The following PTCD3 variants were observed in gnomAD, a reference collection of about 807,000 sequenced individuals.
The protein encoded by PTCD3 is pentatricopeptide repeat domain 3.
Under a neutral mutation model 101.9 loss-of-function variants are expected in PTCD3, and 89 were observed. The observed-to-expected ratio is 0.87, with a 90% CI of 0.74 to 1.04. The LOEUF (loss-of-function observed/expected upper bound fraction) is 1.04, where lower values mean the gene tolerates loss of function less well. Ranked by LOEUF, PTCD3 falls within the 50% of genes least tolerant of loss-of-function variation. PTCD3 has a pLI of 0.00. For missense variants in PTCD3, 870 were observed against 828.2 expected (o/e 1.05, Z -0.62); for synonymous variants, 296 against 278.5 (o/e 1.06, Z -0.63).
chr2:86,106,704 G>A (rs1429154171), intron 1 of PTCD3, among the ~76,000 whole-genome samples: 1 of 152,190 alleles, frequency 6.6e-6, no homozygotes, highest in Non-Finnish European at 1.5e-5. Flanking sequence ...ATCAGGAGGA[G>A]CGAGGAGAAC....
At chr2:86,108,288 G>A (rs1051672245) in intron 1 of PTCD3, 62 bp from the exon 2 acceptor site, 2 of 1,551,764 alleles carry the variant, frequency 1.3e-6, no homozygotes, top group Non-Finnish European at 1.7e-6. Flanking sequence ...GTACACATAG[G>A]TGGAGGTGAG....
rs1000824186 is a variant in PTCD3, at chr2:86,136,525, A to G, written c.1783A>G (p.Met595Val). Residue 595 changes from methionine to valine, a missense_variant, in exon 22 of 24, where the codon ATG (methionine) becomes GTG (valine). Coordinates refer to ENST00000254630, the MANE Select transcript of PTCD3 (RefSeq NM_017952.6). ...TCTTTTTCCTTTCTTGAGCAGGAAA[A>G]TGTTGGGGCTTTTCAGGAAGCATAA... ...RAGRTQEAWK[M>V]LGLFRKHNKI... 3.7e-6 allele frequency: 6 copies of G among 1,611,072 alleles called. No individual in the cohort carries two copies. In the South Asian group the frequency reaches 4.4e-5, roughly 12 times the overall value.
chr2:86,117,796 A>G (rs1674201905), intron 6 of PTCD3, among the ~76,000 whole-genome samples: 1 of 148,314 alleles, frequency 6.7e-6, no homozygotes, highest in Non-Finnish European at 1.5e-5. Context: ...TTTTTGTTTG[A>G]GATGGAGTCT....
chr2:86,133,020 C>A, intron 17 of PTCD3, 158 bp from the exon 18 acceptor site: 1 of 1,201,914 alleles, frequency 8.3e-7, no homozygotes, highest in Non-Finnish European at 1.1e-6. Context: ...TCAGCACACA[C>A]TGGCAGCTCT....
In PTCD3 at chr2:86,125,125, C is replaced by G. The variant is rs369269693; in HGVS notation, c.804+43C>G. 2.2e-5 allele frequency: 35 copies of G among 1,604,644 alleles called. No individual in the cohort carries two copies. In the African/African-American group the frequency reaches 3.9e-4, roughly 18 times the overall value. On this transcript the variant is annotated intron_variant, in intron 10 of 23. Coordinates refer to ENST00000254630, the MANE Select transcript of PTCD3 (RefSeq NM_017952.6). ...ATTTTTGTCTTTCATTTCCACCGAT[C>G]AGGGTGTTTCAGCCTCAGAACTACT...
In PTCD3 at chr2:86,138,917, G is replaced by A. The variant is rs965985679; in HGVS notation, c.*1358G>A. ...TATTCAATACAGTCCTTAGATTCAC[G>A]GTATGCCTCTTCCTATCCAGGCACC... On this transcript the variant is annotated 3_prime_UTR_variant, in exon 24 of 24. Coordinates refer to ENST00000254630, the MANE Select transcript of PTCD3 (RefSeq NM_017952.6). The A allele has an allele frequency of 3.3e-5, 5 of 152,090 alleles. No individual in the cohort carries two copies. The highest frequency in any genetic ancestry group is 2.1e-4 in the South Asian group (1 of 4,812). The allele number at this position is 152,090 out of a possible 1,614,324, so 9.4% of individuals were successfully genotyped here. A position where few individuals can be genotyped will look rare whatever the true frequency, so the allele number is the denominator to read the frequency against.
chr2:86,137,683 T>G lies in PTCD3; in HGVS notation c.*124T>G. On this transcript the variant is annotated 3_prime_UTR_variant, in exon 24 of 24. Coordinates refer to ENST00000254630, the MANE Select transcript of PTCD3 (RefSeq NM_017952.6). ...AAAGATACAGATTTGGTGAATTTGTTACTGTGAGGTACAGTCAGTACACAG... is the reference window on the plus strand; with the variant it reads ...AAAGATACAGATTTGGTGAATTTGTGACTGTGAGGTACAGTCAGTACACAG... 7.2e-7 allele frequency: 1 copy of G among 1,391,668 alleles called. No individual in the cohort carries two copies. The highest frequency in any genetic ancestry group is 9.8e-7 in the Non-Finnish European group (1 of 1,023,806). The allele number at this position is 1,391,668 out of a possible 1,614,324, so 86.2% of individuals were successfully genotyped here.
chr2:86,134,525 G>C (rs1674548410), intron 20 of PTCD3, 148 bp downstream of exon 20: 1 of 698,220 alleles, frequency 1.4e-6, no homozygotes, highest in Non-Finnish European at 2.4e-6. Flanking sequence ...CTTGCCCTTA[G>C]CAGAAATCTG....
At position 86,131,057 on chromosome 2, in the gene PTCD3, C is replaced by G. The variant is rs1201467662; in HGVS notation, c.1238-21C>G. 5 of 1,599,982 alleles carry G rather than the reference C, an allele frequency of 3.1e-6. No individual in the cohort carries two copies. In the African/African-American group the frequency reaches 5.4e-5, roughly 17 times the overall value. On this transcript the variant is annotated intron_variant, in intron 15 of 23. Transcript: ENST00000254630. ...TATTTTATCCATTGTAACCAAAGCTCTTGTGAACTTTGATTTTCAGATAAG... is the reference window on the plus strand; with the variant it reads ...TATTTTATCCATTGTAACCAAAGCTGTTGTGAACTTTGATTTTCAGATAAG...
At chr2:86,125,149 C>G (rs1246029202) in intron 10 of PTCD3, 67 bp downstream of exon 10, 1 of 1,582,492 alleles carries the variant, frequency 6.3e-7, no homozygotes, top group Non-Finnish European at 8.6e-7. Context: ...CTCAGAACTA[C>G]TAACATTTTG....
At chr2:86,136,069 C>T (rs935495751) in intron 21 of PTCD3, 3 of 517,260 alleles carry the variant, frequency 5.8e-6, no homozygotes. Flanking sequence ...AGGGAAACAG[C>T]AGGTTCTGTT....
chr2:86,107,193 G>A (rs1323506273), intron 1 of PTCD3: 1 of 471,044 alleles, frequency 2.1e-6, no homozygotes, highest in East Asian at 6.9e-5. Context: ...CCAGTCCTCC[G>A]TTTCCTGGTA....
At chr2:86,127,705 G>C (rs1247263429) in intron 13 of PTCD3, 3 of 536,828 alleles carry the variant, frequency 5.6e-6, no homozygotes, top group African/African-American at 3.8e-5. Context: ...ACTGTTCTCA[G>C]TGAAGAATGT....
Position 86,127,255 on chromosome 2 carries a change from C to T in PTCD3, c.1046C>T (p.Ala349Val). 6.2e-7 allele frequency: 1 copy of T among 1,614,100 alleles called. No individual in the cohort carries two copies. The highest frequency in any genetic ancestry group is 8.5e-7 in the Non-Finnish European group (1 of 1,179,990). Reference protein sequence around the residue: ...LKCLRRFHVFARSPALQVLRE... With the variant: ...LKCLRRFHVFVRSPALQVLRE... ...TGTCTCCGAAGATTTCATGTGTTTGCAAGATCGCCAGCCTTACAGGTTTTA... is the reference window on the plus strand; with the variant it reads ...TGTCTCCGAAGATTTCATGTGTTTGTAAGATCGCCAGCCTTACAGGTTTTA... The change falls in exon 13 of 24, where the codon GCA (alanine) becomes GTA (valine). Residue 349 changes from alanine (A) to valine (V), a missense_variant. Transcript: ENST00000254630.
At chr2:86,130,469 A>T (rs542342139) in intron 14 of PTCD3, among the ~76,000 whole-genome samples, 179 bp from the exon 15 acceptor site, 1 of 152,344 alleles carries the variant, frequency 6.6e-6, no homozygotes, top group East Asian at 1.9e-4. Context: ...GATTTTACAG[A>T]GAATTGCTCT....
At chr2:86,116,841 G>T (rs1274467808) in intron 5 of PTCD3, among the ~76,000 whole-genome samples, 1 of 152,168 alleles carries the variant, frequency 6.6e-6, no homozygotes, top group Admixed American at 6.5e-5. Flanking sequence ...CAGTTTAAAT[G>T]GCTTGCTTTT....
intron 1 of PTCD3, chr2:86,107,187 T>C (rs1337382567): frequency 2.1e-6 from 1 of 471,110 alleles, no homozygotes; most frequent in Non-Finnish European, 4.4e-6. Flanking sequence ...TCAATGCCAG[T>C]CCTCCGTTTC....
chr2:86,112,832 A>G (rs1410473637), intron 4 of PTCD3, among the ~76,000 whole-genome samples: 2 of 152,130 alleles, frequency 1.3e-5, no homozygotes, highest in Admixed American at 1.3e-4. Flanking sequence ...TTATCTCGAA[A>G]TGCAGTGTTT....
chr2:86,131,491 C>T (rs973520990), intron 16 of PTCD3, among the ~76,000 whole-genome samples: 37 of 152,210 alleles, frequency 2.4e-4, no homozygotes, highest in Non-Finnish European at 3.8e-4. Context: ...GCTGGGATTA[C>T]AGGCCTGAGC....
Sources: gnomAD v4.1 joint callset for allele counts (sites outside exome capture counted in the v4.1 genomes callset) on GRCh38, gnomAD v4.1.1 for gene constraint, MANE v1.5 for transcripts, NCBI Gene and HGNC (gene_info 2026-07-23, HGNC 2026-07-21) for gene names.